ST6GALNAC3: variants seen among roughly 807,000 people sequenced by gnomAD.
The protein encoded by ST6GALNAC3 is alpha-N-acetylgalactosaminide alpha-2,6-sialyltransferase 3.
ST6GALNAC3 carries 25 observed loss-of-function variants against 32.7 expected under a neutral mutation model. The observed-to-expected ratio is 0.76, with a 90% CI of 0.56 to 1.07. The LOEUF is 1.07. Ranked by LOEUF, ST6GALNAC3 falls within the 50% of genes least tolerant of loss-of-function variation. ST6GALNAC3 has a pLI of 0.00. For synonymous variants in ST6GALNAC3, 129 were observed against 133.1 expected, an observed-to-expected ratio of 0.97 and a Z score of 0.21; for missense variants, 355 against 382.4, an observed-to-expected ratio of 0.93 and a Z score of 0.60.
At chr1:76,462,147 A>G (rs1658320143) in intron 3 of ST6GALNAC3, among the ~76,000 whole-genome samples, 2 of 152,058 alleles carry the variant, frequency 1.3e-5, no homozygotes, top group South Asian at 2.1e-4. Flanking sequence ...CTTGAGAGCA[A>G]TGATGCTGTG....
intron 2 of ST6GALNAC3, among the ~76,000 whole-genome samples, chr1:76,364,838 G>T (rs893001623): frequency 3.3e-5 from 5 of 152,102 alleles, no homozygotes; most frequent in Non-Finnish European, 7.4e-5. Context: ...ACAAATGTTG[G>T]AAGATGTAGA....
chr1:76,274,178 A>C (rs901199109), intron 1 of ST6GALNAC3, among the ~76,000 whole-genome samples: 2 of 152,230 alleles, frequency 1.3e-5, no homozygotes, highest in African/African-American at 4.8e-5. Flanking sequence ...TCAATTATGC[A>C]TATGTGCACC....
At position 76,301,856 on chromosome 1, in the gene ST6GALNAC3, G is replaced by A. The variant is rs574609447; in HGVS notation, c.19-11949G>A. Among the ~76,000 whole-genome samples, 7 of 151,576 alleles carry A rather than the reference G, an allele frequency of 4.6e-5. No individual in the cohort carries two copies. In the South Asian group the frequency reaches 1.5e-3, roughly 32 times the overall value. On this transcript the variant is annotated intron_variant, in intron 1 of 4. Transcript: ENST00000328299. ...AAAGAAGTTTTTTTTTTTTCCACAG[G>A]TGCAATCTTGACAAGAAGAAAAATC...
chr1:76,261,983 A>G (rs1658266492), intron 1 of ST6GALNAC3, among the ~76,000 whole-genome samples: 1 of 152,210 alleles, frequency 6.6e-6, no homozygotes, highest in African/African-American at 2.4e-5. Flanking sequence ...TTCACGCGGA[A>G]AGAAGACTGA....
chr1:76,519,056 A>C lies in ST6GALNAC3; in HGVS notation c.623+106639A>C, dbSNP rs987316557. On this transcript the variant is annotated intron_variant, in intron 3 of 4. Transcript: ENST00000328299. ...ACTCTGTCTGGAAAAAAATAAAATA[A>C]AATGTATCACTTAGCTTTATTATCA... is the stretch of plus-strand genomic sequence containing the variant. Among the ~76,000 whole-genome samples the C allele has an allele frequency of 7.2e-5, 11 of 152,166 alleles. 1 individual carries two copies. The highest frequency in any genetic ancestry group is 2.7e-4 in the African/African-American group (11 of 41,430).
chr1:76,216,805 G>A (rs1490684757), intron 1 of ST6GALNAC3, among the ~76,000 whole-genome samples: 1 of 152,164 alleles, frequency 6.6e-6, no homozygotes, highest in Non-Finnish European at 1.5e-5. Context: ...GGAAAGCTAG[G>A]TTTAATTTCT....
At chr1:76,238,588 T>C (rs1202127225) in intron 1 of ST6GALNAC3, among the ~76,000 whole-genome samples, 2 of 152,124 alleles carry the variant, frequency 1.3e-5, no homozygotes, top group African/African-American at 4.8e-5. Flanking sequence ...TAACTAATTG[T>C]AATGCAGTGC....
chr1:76,153,181 C>T (rs953186604), intron 1 of ST6GALNAC3, among the ~76,000 whole-genome samples: 16 of 152,246 alleles, frequency 1.1e-4, no homozygotes, highest in South Asian at 2.1e-4. Context: ...TGGAAAATGA[C>T]GTAACATCCT....
intron 3 of ST6GALNAC3, among the ~76,000 whole-genome samples, chr1:76,501,870 C>G (rs1307032775): frequency 6.6e-6 from 1 of 152,230 alleles, no homozygotes; most frequent in Non-Finnish European, 1.5e-5. Flanking sequence ...TATAGGCAGT[C>G]ACTGGAATTG....
chr1:76,144,077 G>A (rs1284611049), intron 1 of ST6GALNAC3, among the ~76,000 whole-genome samples: 2 of 152,186 alleles, frequency 1.3e-5, no homozygotes, highest in African/African-American at 4.8e-5. Context: ...GAAATGCTCA[G>A]TAAATGAACC....
At chr1:76,175,033 ATTAC>A (rs972556007) in intron 1 of ST6GALNAC3, among the ~76,000 whole-genome samples, 4 of 152,148 alleles carry the variant, frequency 2.6e-5, no homozygotes, top group East Asian at 1.9e-4. Context: ...TGGAAGTTCC[ATTAC>A]TTACTTAATC....
intron 1 of ST6GALNAC3, among the ~76,000 whole-genome samples, chr1:76,089,070 C>A (rs1647004134): frequency 6.6e-6 from 1 of 152,078 alleles, no homozygotes; most frequent in African/African-American, 2.4e-5. Context: ...GCTCTGTCAC[C>A]CAGGCTGGAG....
chr1:76,199,489 G>T lies in ST6GALNAC3; in HGVS notation c.19-114316G>T, dbSNP rs757052700. ...AGAGGTGTGTAGCTATCACCAAAGG[G>T]TTATGATGTCATGTAACTAAGTCTC... On this transcript the variant is annotated intron_variant, in intron 1 of 4. Coordinates refer to ENST00000328299, the MANE Select transcript of ST6GALNAC3 (RefSeq NM_152996.4). Among the ~76,000 whole-genome samples the T allele has an allele frequency of 5.6e-4, 86 of 152,288 alleles. 1 individual carries two copies. The Middle Eastern group carries it at 0.01, about 18-fold the overall frequency.
intron 1 of ST6GALNAC3, among the ~76,000 whole-genome samples, chr1:76,157,334 C>A (rs1413399028): frequency 6.6e-6 from 1 of 152,164 alleles, no homozygotes; most frequent in Non-Finnish European, 1.5e-5. Context: ...CTATCTGTAG[C>A]CTCCTACTCC....
chr1:76,215,686 A>G (rs1655416704), intron 1 of ST6GALNAC3, among the ~76,000 whole-genome samples: 1 of 152,230 alleles, frequency 6.6e-6, no homozygotes, highest in African/African-American at 2.4e-5. Context: ...CAGTGAGTGG[A>G]TGGCAATTAT....
chr1:76,116,249 G>C (rs1001972320), intron 1 of ST6GALNAC3, among the ~76,000 whole-genome samples: 1 of 152,016 alleles, frequency 6.6e-6, no homozygotes, highest in Admixed American at 6.6e-5. Flanking sequence ...GTGAGGGAAG[G>C]TGAGTATGCC....
At chr1:76,278,912 C>T (rs112601920) in intron 1 of ST6GALNAC3, among the ~76,000 whole-genome samples, 213 of 152,296 alleles carry the variant, frequency 1.4e-3, no homozygotes, top group African/African-American at 4.8e-3. Context: ...AGTACTTTCC[C>T]TCGGGCAAGA....
At chr1:76,346,157 G>C (rs1648491858) in intron 2 of ST6GALNAC3, among the ~76,000 whole-genome samples, 1 of 152,140 alleles carries the variant, frequency 6.6e-6, no homozygotes, top group Admixed American at 6.5e-5. Flanking sequence ...TGAGTACAGG[G>C]ATTATGTCAG....
intron 1 of ST6GALNAC3, among the ~76,000 whole-genome samples, chr1:76,095,149 C>T (rs72990771): frequency 0.05 from 7,623 of 152,044 alleles, 663 homozygotes; most frequent in African/African-American, 0.18. Context: ...ATCTGGGGGG[C>T]AGGCAGCAAA....
Sources: allele counts gnomAD v4.1 joint callset (sites outside exome capture counted in the v4.1 genomes callset), GRCh38; gene constraint gnomAD v4.1.1; transcripts MANE v1.5; gene names NCBI Gene and HGNC (gene_info 2026-07-23, HGNC 2026-07-21).